Variants in SAMMSON observed in about 807,000 individuals in gnomAD.
SAMMSON encodes survival associated mitochondrial melanoma specific oncogenic non-coding RNA, also known as long intergenic non-protein coding RNA 1212.
At chr3:70,104,481 C>T (rs1273489924) in intron 4 of SAMMSON, among the ~76,000 whole-genome samples, 4 of 151,860 alleles carry the variant, frequency 2.6e-5, no homozygotes, top group African/African-American at 9.7e-5. Flanking sequence ...GAAGTAAAAG[C>T]CCTAGGTAAT....
chr3:70,163,158 T>C (rs138478422), intron 4 of SAMMSON, among the ~76,000 whole-genome samples: 24 of 151,790 alleles, frequency 1.6e-4, no homozygotes, highest in African/African-American at 5.5e-4. Context: ...ATGATTGATA[T>C]AGTATGATTT....
intron 1 of SAMMSON, among the ~76,000 whole-genome samples, chr3:70,004,294 TG>T (rs2066917578): frequency 6.6e-6 from 1 of 152,290 alleles, no homozygotes; most frequent in South Asian, 2.1e-4. Flanking sequence ...ATTCTGTAAA[TG>T]TTATTTTATA....
At chr3:70,231,989 T>C (rs11707565) in intron 4 of SAMMSON, among the ~76,000 whole-genome samples, 51,901 of 152,098 alleles carry the variant, frequency 0.34, 11,465 homozygotes, top group Non-Finnish European at 0.47. Context: ...AGCGTTATTG[T>C]CTGCTCCTTC....
At chr3:70,317,610 A>G (rs1264289275) in intron 7 of SAMMSON, among the ~76,000 whole-genome samples, 1 of 151,186 alleles carries the variant, frequency 6.6e-6, no homozygotes, top group Non-Finnish European at 1.5e-5. Context: ...ATATATATGT[A>G]TGTATATATG....
chr3:70,173,953 A>G (rs1700984303), intron 4 of SAMMSON, among the ~76,000 whole-genome samples: 2 of 152,036 alleles, frequency 1.3e-5, no homozygotes, highest in South Asian at 4.1e-4. Flanking sequence ...TGTAGAATGG[A>G]TAGGAATCTG....
rs562214465 is a variant in SAMMSON at position 70,173,660 on chromosome 3, C to T, written n.508-75447C>T. 2.2e-4 allele frequency among the ~76,000 whole-genome samples: 34 copies of T among 151,926 alleles called. No individual in the cohort carries two copies. In the South Asian group the frequency reaches 7.1e-3, roughly 32 times the overall value. ...ACATTTTTCCCTGAACCATTAGTTGCTCACAATGATCACGAGCCAAAATGA... is the reference window on the plus strand; with the variant it reads ...ACATTTTTCCCTGAACCATTAGTTGTTCACAATGATCACGAGCCAAAATGA... On this transcript the variant is annotated intron_variant and non_coding_transcript_variant, in intron 4 of 9. Transcript: ENST00000642114.
chr3:70,302,675 G>T (rs1702362821), intron 7 of SAMMSON: 1 of 152,156 alleles, frequency 6.6e-6, no homozygotes, highest in Non-Finnish European at 1.5e-5. Flanking sequence ...TCATAAAACT[G>T]CAATTAATAA....
chr3:70,143,542 G>A (rs1257691463), intron 4 of SAMMSON, among the ~76,000 whole-genome samples: 1 of 152,126 alleles, frequency 6.6e-6, no homozygotes, highest in Non-Finnish European at 1.5e-5. Context: ...GGCTCCAGGA[G>A]GTTCACCTTT....
intron 3 of SAMMSON, chr3:70,014,145 G>T (rs2066971048): frequency 6.6e-6 from 1 of 152,172 alleles, no homozygotes; most frequent in South Asian, 2.1e-4. Context: ...CCAGGCTTAA[G>T]ACCCTTACTA....
intron 2 of SAMMSON, among the ~76,000 whole-genome samples, chr3:70,429,685 C>G (rs1045928320): frequency 6.6e-6 from 1 of 152,122 alleles, no homozygotes; most frequent in African/African-American, 2.4e-5. Flanking sequence ...TCCTTCACAT[C>G]CCTTGGAAGT....
intron 4 of SAMMSON, among the ~76,000 whole-genome samples, chr3:70,087,882 T>G (rs971040986): frequency 6.6e-6 from 1 of 152,086 alleles, no homozygotes; most frequent in Non-Finnish European, 1.5e-5. Context: ...TTTATGCTTG[T>G]TTAAGGGATG....
chr3:70,175,188 T>C (rs751877133), intron 4 of SAMMSON, among the ~76,000 whole-genome samples: 4 of 152,140 alleles, frequency 2.6e-5, no homozygotes, highest in African/African-American at 4.8e-5. Context: ...TGAATATAGG[T>C]CTGGCATTGA....
At chr3:70,004,799 G>C (rs962477162) in intron 1 of SAMMSON, among the ~76,000 whole-genome samples, 3 of 152,162 alleles carry the variant, frequency 2.0e-5, no homozygotes, top group Non-Finnish European at 4.4e-5. Flanking sequence ...TGTGGAGAAC[G>C]TTATCTATTA....
At chr3:70,087,772 A>G (rs1330532344) in intron 4 of SAMMSON, among the ~76,000 whole-genome samples, 1 of 152,194 alleles carries the variant, frequency 6.6e-6, no homozygotes, top group Non-Finnish European at 1.5e-5. Flanking sequence ...AGTTCTCCAG[A>G]ACTTCACTGT....
chr3:70,134,790 C>T (rs757834190), intron 4 of SAMMSON, among the ~76,000 whole-genome samples: 6 of 151,910 alleles, frequency 3.9e-5, no homozygotes, highest in East Asian at 1.9e-4. Flanking sequence ...GGGATACAGG[C>T]GGTACATTAC....
chr3:70,064,334 T>G (rs1021845374), intron 3 of SAMMSON, among the ~76,000 whole-genome samples: 1 of 152,148 alleles, frequency 6.6e-6, no homozygotes, highest in Non-Finnish European at 1.5e-5. Context: ...TCTGGGACTT[T>G]ACACTTTAAT....
intron 4 of SAMMSON, among the ~76,000 whole-genome samples, chr3:70,244,014 C>G (rs569685931): frequency 6.6e-6 from 1 of 152,152 alleles, no homozygotes; most frequent in African/African-American, 2.4e-5. Flanking sequence ...CTCCCCTCTA[C>G]GCAACTTGAC....
chr3:70,090,183 C>A (rs1163798042), intron 4 of SAMMSON, among the ~76,000 whole-genome samples: 2 of 152,156 alleles, frequency 1.3e-5, no homozygotes, highest in Admixed American at 1.3e-4. Context: ...AAAGTCCAAT[C>A]TTCCTAATAG....
At chr3:70,275,326 T>G (rs1259055252) in intron 6 of SAMMSON, among the ~76,000 whole-genome samples, 1 of 152,012 alleles carries the variant, frequency 6.6e-6, no homozygotes, top group Non-Finnish European at 1.5e-5. Context: ...CCAGGCAACA[T>G]AGTAAGACCT....
Sources: allele counts gnomAD v4.1 joint callset (sites outside exome capture counted in the v4.1 genomes callset), GRCh38; gene constraint gnomAD v4.1.1; transcripts MANE v1.5; gene names NCBI Gene and HGNC (gene_info 2026-07-23, HGNC 2026-07-21).